The following ADGRG5 variants were observed in gnomAD, a reference collection of about 807,000 sequenced individuals.
ADGRG5 encodes adhesion G protein-coupled receptor G5, also known as G protein-coupled receptor 114.
In ADGRG5, 37 loss-of-function variants were observed where a neutral mutation model predicts 53.2. That is an observed-to-expected ratio of 0.70 (90% CI 0.53 to 0.91). The LOEUF is 0.91. ADGRG5 is among the 40% of genes least tolerant of loss of function. ADGRG5 has a pLI of 0.00. For synonymous variants in ADGRG5, 277 were observed against 290.4 expected, an observed-to-expected ratio of 0.95 and a Z score of 0.47; for missense variants, 614 against 675.8, an observed-to-expected ratio of 0.91 and a Z score of 1.01.
chr16:57,556,134 T>C (rs1467005196), intron 1 of ADGRG5, among the ~76,000 whole-genome samples: 2 of 152,232 alleles, frequency 1.3e-5, no homozygotes, highest in South Asian at 2.1e-4. Context: ...TGTGAAACTA[T>C]ACTAATACAC....
At chr16:57,533,528 G>A in the ADGRG5 span, among the ~76,000 whole-genome samples, 9 of 147,450 alleles carry the variant, frequency 6.1e-5, no homozygotes, top group Non-Finnish European at 1.0e-4. Context: ...CCCCAGTAAT[G>A]CACACACTCA....
At chr16:57,564,950 C>T in intron 5 of ADGRG5, 84 bp from the exon 6 acceptor site, 1 of 753,384 alleles carries the variant, frequency 1.3e-6, no homozygotes, top group Non-Finnish European at 2.3e-6. Context: ...GCTGCTTGTT[C>T]TCATCCAGGG....
intron 1 of ADGRG5, among the ~76,000 whole-genome samples, chr16:57,556,457 T>C (rs1484968046): frequency 6.6e-6 from 1 of 152,224 alleles, no homozygotes; most frequent in Non-Finnish European, 1.5e-5. Flanking sequence ...ATTGCCTTAC[T>C]AGCTGTATCT....
the ADGRG5 span, among the ~76,000 whole-genome samples, chr16:57,535,235 G>A: frequency 2.6e-5 from 4 of 152,214 alleles, no homozygotes; most frequent in African/African-American, 9.6e-5. Context: ...AGGACCTCTG[G>A]GGGGAGCTGG....
intron 1 of ADGRG5, among the ~76,000 whole-genome samples, chr16:57,556,655 C>T (rs1329411643): frequency 6.6e-6 from 1 of 152,206 alleles, no homozygotes; most frequent in Non-Finnish European, 1.5e-5. Flanking sequence ...TCTACAGACA[C>T]TGTGATCCCC....
chr16:57,574,751 T>G lies in ADGRG5; in HGVS notation c.1209-64T>G. On this transcript the variant is annotated intron_variant, in intron 10 of 11. Transcript: ENST00000349457. This position sits in a 1 kb window ranked among gnomAD's most constrained non-coding sequence, Gnocchi z 4.4. The stretch of plus-strand genomic sequence containing the variant: ...GGAGACCGAGTGGGGCTTCAGGGAG[T>G]GATGCTGGCCTCCCCGCGGGCCTGG... 6.8e-7 allele frequency: 1 copy of G among 1,481,176 alleles called. No individual in the cohort carries two copies. Among genetic ancestry groups the G allele is most frequent in the Non-Finnish European group, 9.0e-7 (1 of 1,110,938 alleles). 91.8% of individuals were successfully genotyped at this position (1,481,176 alleles called of 1,614,324 possible).
chr16:57,564,920 G>A lies in ADGRG5; in HGVS notation c.430-114G>A, dbSNP rs760387939. 23 of 681,144 alleles carry A rather than the reference G, an allele frequency of 3.4e-5. 1 individual carries two copies. Among genetic ancestry groups the A allele is most frequent in the South Asian group, 2.7e-4 (15 of 56,170 alleles). 42.2% of individuals were successfully genotyped at this position (681,144 alleles called of 1,614,324 possible). ...GCTGGGAGGCTGAGAAAGCTTTCAC[G>A]CTGCACACGTGAAAGTCTTGCTGCT... On this transcript the variant is annotated intron_variant, in intron 5 of 11. Transcript: ENST00000349457.
At chr16:57,548,520 G>T (rs2032672221) in intron 1 of ADGRG5, among the ~76,000 whole-genome samples, 1 of 152,012 alleles carries the variant, frequency 6.6e-6, no homozygotes, top group Non-Finnish European at 1.5e-5. Context: ...TAAAATAAAA[G>T]ATTCCTGTAA....
chr16:57,563,481 T>C (rs2033054211), intron 4 of ADGRG5, among the ~76,000 whole-genome samples: 1 of 152,232 alleles, frequency 6.6e-6, no homozygotes, highest in Admixed American at 6.5e-5. Context: ...ATCTTCTTCC[T>C]GCTTTGGCTG....
At chr16:57,542,247 C>CA (rs1169602733), upstream of ADGRG5, among the ~76,000 whole-genome samples, 2 of 152,202 alleles carry the variant, frequency 1.3e-5, no homozygotes, top group African/African-American at 4.8e-5. Flanking sequence ...AATATGCCAT[C>CA]AATTGTCAGG....
the ADGRG5 span, among the ~76,000 whole-genome samples, chr16:57,533,325 C>T: frequency 6.6e-6 from 1 of 152,008 alleles, no homozygotes. Flanking sequence ...TCTGGAGAAG[C>T]CCACCCCGCC....
intron 1 of ADGRG5, among the ~76,000 whole-genome samples, chr16:57,548,422 C>T (rs1335040788): frequency 2.0e-5 from 3 of 152,108 alleles, no homozygotes; most frequent in African/African-American, 7.2e-5. Context: ...ATTATACTCA[C>T]TCATTTATGT....
rs1437735232 is a variant in ADGRG5 at position 57,570,452 on chromosome 16, T to C, written c.1125T>C (p.Ser375=). ...CCCTCCTGGTGCTGCTTTCCCTCTC[T>C]GTCAAGAGCTCGGTATACGGACCCT... The part of the protein sequence containing the change: ...APALLVLLSL[S]VKSSVYGPCT... The change falls in exon 10 of 12, where the codon TCT becomes TCC. Residue 375 remains serine (S), a synonymous_variant. Transcript: ENST00000349457. The C allele has an allele frequency of 3.7e-6, 6 of 1,613,358 alleles. No homozygotes were observed. Among genetic ancestry groups the C allele is most frequent in the Non-Finnish European group, 5.1e-6 (6 of 1,179,934 alleles).
At chr16:57,547,671 T>A (rs1444603113) in intron 1 of ADGRG5, among the ~76,000 whole-genome samples, 1 of 152,226 alleles carries the variant, frequency 6.6e-6, no homozygotes, top group Non-Finnish European at 1.5e-5. Flanking sequence ...GGTCTCAATC[T>A]CCTGACCTTG....
Position 57,575,105 on chromosome 16 carries a change from G to T in ADGRG5, c.1486+13G>T. 1 of 1,603,514 alleles carries T rather than the reference G, an allele frequency of 6.2e-7. No homozygotes were observed. Among genetic ancestry groups the T allele is most frequent in the Admixed American group, 1.7e-5 (1 of 59,406 alleles). On this transcript the variant is annotated intron_variant, in intron 11 of 11. Coordinates refer to ENST00000349457, the MANE Select transcript of ADGRG5 (RefSeq NM_001304376.3). ...AACTCGCTCTACGGTAGGGCTGGAGGGCGGCCTGGAGGAAGCTACCTGGCA... is the reference window on the plus strand; with the variant it reads ...AACTCGCTCTACGGTAGGGCTGGAGTGCGGCCTGGAGGAAGCTACCTGGCA...
At chr16:57,549,140 A>G (rs148620517) in intron 1 of ADGRG5, among the ~76,000 whole-genome samples, 2 of 152,320 alleles carry the variant, frequency 1.3e-5, no homozygotes, top group Non-Finnish European at 2.9e-5. Flanking sequence ...GTATGTGTAT[A>G]ATCCTGGCTT....
intron 1 of ADGRG5, among the ~76,000 whole-genome samples, chr16:57,552,653 C>T (rs1418754687): frequency 1.3e-5 from 2 of 152,200 alleles, no homozygotes; most frequent in African/African-American, 4.8e-5. Flanking sequence ...GAAGCTTTCT[C>T]CATATCAGCA....
At chr16:57,545,083 A>G (rs1428162969) in intron 1 of ADGRG5, among the ~76,000 whole-genome samples, 8 of 152,048 alleles carry the variant, frequency 5.3e-5, no homozygotes, top group African/African-American at 1.7e-4. Context: ...GGCTCCCCCA[A>G]ATCTTGTCCC....
At chr16:57,546,148 G>A (rs929199691) in intron 1 of ADGRG5, among the ~76,000 whole-genome samples, 8 of 151,934 alleles carry the variant, frequency 5.3e-5, no homozygotes, top group African/African-American at 1.5e-4. Flanking sequence ...TTTTGATACA[G>A]GGTCTCATTC....
Sources: allele counts gnomAD v4.1 joint callset (sites outside exome capture counted in the v4.1 genomes callset), GRCh38; gene constraint gnomAD v4.1.1; non-coding constraint Gnocchi (gnomAD v3.1); transcripts MANE v1.5; gene names NCBI Gene and HGNC (gene_info 2026-07-23, HGNC 2026-07-21).